Variants in BDP1 observed in about 807,000 individuals in gnomAD.
The protein encoded by BDP1 is transcription factor TFIIIB component B'' homolog.
Under a neutral mutation model 266.6 loss-of-function variants are expected in BDP1, and 169 were observed. The observed-to-expected ratio is 0.63, with a 90% CI of 0.56 to 0.72. The LOEUF (loss-of-function observed/expected upper bound fraction) is 0.72. Among genes scored for constraint, BDP1 ranks in the 30% least tolerant of loss-of-function variants. The probability of loss-of-function intolerance (pLI) is 0.00; values close to 1 mark genes in which losing one functional copy is unlikely to be tolerated. For synonymous variants in BDP1, 1,090 were observed against 1,022.4 expected (o/e 1.07, Z -1.26); for missense variants, 3,015 against 3,053.8 (o/e 0.99, Z 0.30).
In BDP1 at chr5:71,510,579, G is replaced by A. The variant is rs896236342; in HGVS notation, c.3487G>A (p.Val1163Ile). 1.2e-6 allele frequency: 2 copies of A among 1,614,170 alleles called. No homozygotes were observed. The highest frequency in any genetic ancestry group is 1.7e-6 in the Non-Finnish European group (2 of 1,180,030). ...ISPEENGPEE[V>I]KPVDEMETDL... ...CCCAGAGGAAAATGGCCCAGAGGAGGTCAAGCCTGTAGATGAAATGGAGAC... is the reference window on the plus strand; with the variant it reads ...CCCAGAGGAAAATGGCCCAGAGGAGATCAAGCCTGTAGATGAAATGGAGAC... The change falls in exon 17 of 39, where the codon GTC becomes ATC. Residue 1163 changes from valine (V) to isoleucine (I), a missense_variant. Transcript: ENST00000358731.
At position 71,562,535 on chromosome 5, in the gene BDP1, C is replaced by G; in HGVS notation, c.7743+15C>G. 1.9e-6 allele frequency: 3 copies of G among 1,610,212 alleles called. No individual in the cohort carries two copies. The highest frequency in any genetic ancestry group is 2.5e-6 in the Non-Finnish European group (3 of 1,178,276). The stretch of plus-strand genomic sequence containing the variant: ...CAGCAACTCAGGTATGTGATAACTA[C>G]TGTATTTTATAGTTTGTATGAGATG... On this transcript the variant is annotated intron_variant, in intron 38 of 38. Transcript: ENST00000358731.
intron 36 of BDP1, among the ~76,000 whole-genome samples, chr5:71,558,596 C>T (rs1743396060): frequency 6.7e-6 from 1 of 150,332 alleles, no homozygotes; most frequent in Non-Finnish European, 1.5e-5. Flanking sequence ...GAGGCCAAGG[C>T]AGGTGGATCA....
chr5:71,481,541 C>T (rs1762971160), intron 7 of BDP1, among the ~76,000 whole-genome samples: 1 of 151,912 alleles, frequency 6.6e-6, no homozygotes, highest in Non-Finnish European at 1.5e-5. Flanking sequence ...TGGAAGACAT[C>T]AAGACTCTGT....
In BDP1 at chr5:71,502,782, T is replaced by C; in HGVS notation, c.2232T>C (p.Ala744=). 6.2e-7 allele frequency: 1 copy of C among 1,612,486 alleles called. No individual in the cohort carries two copies. The highest frequency in any genetic ancestry group is 8.5e-7 in the Non-Finnish European group (1 of 1,179,470). The stretch of plus-strand genomic sequence containing the variant: ...AGAAGAATGAAAATGAATCCTGTGC[T>C]GATAGAGATGTAAGTACTCTGATTC... The part of the protein sequence containing the change: ...NVEKNENESC[A]DRDTPQHMED... Residue 744 remains alanine, a synonymous_variant, in exon 15 of 39, where the codon GCT becomes GCC. Transcript: ENST00000358731.
At chr5:71,545,291 T>C in intron 32 of BDP1, 72 bp downstream of exon 32, 1 of 1,317,086 alleles carries the variant, frequency 7.6e-7, no homozygotes, top group Non-Finnish European at 1.1e-6. Flanking sequence ...AGGTATAATT[T>C]ACATACAATA....
At chr5:71,460,027 T>C (rs1424478044) in intron 2 of BDP1, among the ~76,000 whole-genome samples, 1 of 152,206 alleles carries the variant, frequency 6.6e-6, no homozygotes, top group African/African-American at 2.4e-5. Flanking sequence ...TCAACCTCTA[T>C]CTAGCTCATT....
At chr5:71,493,332 T>C (rs1240637281) in intron 11 of BDP1, among the ~76,000 whole-genome samples, 1 of 152,196 alleles carries the variant, frequency 6.6e-6, no homozygotes, top group Non-Finnish European at 1.5e-5. Context: ...TGATCACAGC[T>C]CACCACAACC....
At chr5:71,568,889 C>G (rs924770472), downstream of BDP1, among the ~76,000 whole-genome samples, 1 of 152,186 alleles carries the variant, frequency 6.6e-6, no homozygotes, top group African/African-American at 2.4e-5. Flanking sequence ...TCATATCACT[C>G]TGAAGTAAGA....
chr5:71,530,078 T>C (rs1038980997), intron 25 of BDP1, among the ~76,000 whole-genome samples: 2 of 152,214 alleles, frequency 1.3e-5, no homozygotes, highest in African/African-American at 4.8e-5. Context: ...TTGCAAGTCT[T>C]TTTTAAAATA....
chr5:71,507,519 AAAGCCTTTGCTTC>A (rs1764648279), intron 16 of BDP1, among the ~76,000 whole-genome samples: 1 of 152,244 alleles, frequency 6.6e-6, no homozygotes, highest in African/African-American at 2.4e-5. Flanking sequence ...AATTATTAAT[AAAGCCTTTGCTTC>A]AAGCATTTAT....
intron 7 of BDP1, among the ~76,000 whole-genome samples, chr5:71,482,484 G>T (rs1266495309): frequency 6.6e-6 from 1 of 152,190 alleles, no homozygotes; most frequent in Non-Finnish European, 1.5e-5. Flanking sequence ...TGTAGGACCT[G>T]TCCATAATGA....
intron 26 of BDP1, among the ~76,000 whole-genome samples, chr5:71,536,596 G>A (rs1255229599): frequency 3.3e-5 from 5 of 152,152 alleles, no homozygotes; most frequent in African/African-American, 1.2e-4. Flanking sequence ...TCAGTAATTT[G>A]GGAGGTGGGA....
chr5:71,557,040 T>A (rs1743265653), intron 36 of BDP1, 115 bp downstream of exon 36: 1 of 518,910 alleles, frequency 1.9e-6, no homozygotes, highest in African/African-American at 2.0e-5. Flanking sequence ...CCAAGAGTAA[T>A]ACTTGTATTA....
At chr5:71,540,237 T>C (rs954768557) in intron 28 of BDP1, among the ~76,000 whole-genome samples, 4 of 151,840 alleles carry the variant, frequency 2.6e-5, no homozygotes, top group African/African-American at 9.7e-5. Flanking sequence ...AATTATACTA[T>C]TCCTGGTAAT....
intron 2 of BDP1, 97 bp downstream of exon 2, chr5:71,458,952 C>G: frequency 1.8e-6 from 2 of 1,139,628 alleles, no homozygotes; most frequent in Non-Finnish European, 2.5e-6. Flanking sequence ...GATGGGGGAA[C>G]AAAACCACAT....
At position 71,556,455 on chromosome 5, in the gene BDP1, A is replaced by AT. The variant is rs1392398841; in HGVS notation, c.7201-427dup. Reference sequence around the variant, plus strand: ...ATAGTGTTAAGAAAATATCTGTTCCATTTTATAAGTTTTTTTCAAGAATGA... The same window carrying AT: ...ATAGTGTTAAGAAAATATCTGTTCCATTTTTATAAGTTTTTTTCAAGAATGA... On this transcript the variant is annotated intron_variant, in intron 35 of 38. Coordinates refer to ENST00000358731, the MANE Select transcript of BDP1 (RefSeq NM_018429.3). Among the ~76,000 whole-genome samples, 14 of 152,032 alleles carry AT rather than the reference A, an allele frequency of 9.2e-5. No individual in the cohort carries two copies. The East Asian group carries it at 2.5e-3, about 27-fold the overall frequency.
Position 71,553,157 on chromosome 5 carries a change from G to GT in BDP1, c.7040dup (p.Leu2347PhefsTer8). ...ACTTCAGTTGGTCAAGATGCCATGG[G>GT]TTTATCTATTTCTGGAAGAGATAAT... is the stretch of plus-strand genomic sequence containing the variant. On this transcript the variant is annotated frameshift_variant, in exon 35 of 39. Transcript: ENST00000358731. LOFTEE classifies it high-confidence loss of function. 6.2e-7 allele frequency: 1 copy of GT among 1,612,956 alleles called. No individual in the cohort carries two copies. The highest frequency in any genetic ancestry group is 8.5e-7 in the Non-Finnish European group (1 of 1,179,932).
At chr5:71,535,806 A>G (rs764387193) in intron 26 of BDP1, among the ~76,000 whole-genome samples, 1 of 151,990 alleles carries the variant, frequency 6.6e-6, no homozygotes, top group Non-Finnish European at 1.5e-5. Context: ...ACCACATGGC[A>G]TTTTCCCCTT....
intron 17 of BDP1, among the ~76,000 whole-genome samples, chr5:71,511,576 G>A (rs1764922794): frequency 6.6e-6 from 1 of 152,210 alleles, no homozygotes; most frequent in Non-Finnish European, 1.5e-5. Flanking sequence ...GAACCCTGGA[G>A]GTTGAGGCTG....
Sources: gnomAD v4.1 joint callset for allele counts (sites outside exome capture counted in the v4.1 genomes callset) on GRCh38, gnomAD v4.1.1 for gene constraint, MANE v1.5 for transcripts, NCBI Gene and HGNC (gene_info 2026-07-23, HGNC 2026-07-21) for gene names.